Variants in TSC22D1 observed in about 807,000 individuals in gnomAD.
The protein encoded by TSC22D1 is TSC22 domain family protein 1.
Under a neutral mutation model 74.2 loss-of-function variants are expected in TSC22D1, and 9 were observed. That is an observed-to-expected ratio of 0.12 (90% confidence interval 0.07 to 0.21). The LOEUF (loss-of-function observed/expected upper bound fraction) is 0.21. TSC22D1 is among the 10% of genes least tolerant of loss of function. The pLI is 1.00. For missense variants in TSC22D1, 1,427 were observed against 1,304.7 expected, an observed-to-expected ratio of 1.09 and a Z score of -1.44; for synonymous variants, 586 against 492.5, an observed-to-expected ratio of 1.19 and a Z score of -2.51.
chr13:44,450,325 T>G (rs7317779), intron 1 of TSC22D1, among the ~76,000 whole-genome samples: 16,996 of 152,194 alleles, frequency 0.11, 1,009 homozygotes, highest in African/African-American at 0.14. Context: ...AGGAAAAAAG[T>G]TTAAGACAGG....
intron 1 of TSC22D1, among the ~76,000 whole-genome samples, chr13:44,448,265 A>T (rs1441292820): frequency 6.6e-6 from 1 of 152,164 alleles, no homozygotes; most frequent in Non-Finnish European, 1.5e-5. Flanking sequence ...AGCACTTTTT[A>T]AAAATAACTA....
Position 44,576,302 on chromosome 13 carries a change from G to GA in TSC22D1, c.-229dup, listed in dbSNP as rs1331985115. The GA allele has an allele frequency of 8.6e-6, 5 of 580,068 alleles. No individual in the cohort carries two copies. The highest frequency in any genetic ancestry group is 1.9e-5 in the African/African-American group (1 of 53,378). The allele number at this position is 580,068 out of a possible 1,614,324, so 35.9% of individuals were successfully genotyped here. On this transcript the variant is annotated 5_prime_UTR_variant, in exon 1 of 3. Coordinates refer to ENST00000458659, the MANE Select transcript of TSC22D1 (RefSeq NM_183422.4). ...AGGGCGGCCGGGGACCCGAAGGGGG[G>GA]ATCCCTTCAGTCCTTCGCCATTCAC...
chr13:44,479,565 C>T (rs1036838419), intron 1 of TSC22D1, among the ~76,000 whole-genome samples: 1 of 152,130 alleles, frequency 6.6e-6, no homozygotes, highest in African/African-American at 2.4e-5. Flanking sequence ...AATTATCTGG[C>T]TTCCTGGGTT....
At chr13:44,469,710 T>C (rs1293695754) in intron 1 of TSC22D1, among the ~76,000 whole-genome samples, 1 of 152,218 alleles carries the variant, frequency 6.6e-6, no homozygotes, top group Admixed American at 6.5e-5. Flanking sequence ...GAGGAAAATG[T>C]ACCCAATCCT....
In TSC22D1 at chr13:44,436,237, G is replaced by C. The variant is rs370325864; in HGVS notation, c.2913-142C>G. On this transcript the variant is annotated intron_variant, in intron 1 of 2. Transcript: ENST00000458659. ...ACACTATGTAATGTATCACCCTCCA[G>C]AAAATGCCAGCCCCTCTCTTACTAA... 1.5e-5 allele frequency: 16 copies of C among 1,032,848 alleles called. No individual in the cohort carries two copies. The East Asian group carries it at 3.9e-4, about 25-fold the overall frequency. 64.0% of individuals were successfully genotyped at this position (1,032,848 alleles called of 1,614,324 possible).
intron 1 of TSC22D1, among the ~76,000 whole-genome samples, chr13:44,568,254 G>A (rs1883510743): frequency 6.6e-6 from 1 of 152,284 alleles, no homozygotes; most frequent in South Asian, 2.1e-4. Context: ...TAATAGTTGT[G>A]TACCAAGCCA....
chr13:44,554,863 C>T (rs1261336547), intron 1 of TSC22D1, among the ~76,000 whole-genome samples: 1 of 152,030 alleles, frequency 6.6e-6, no homozygotes, highest in Non-Finnish European at 1.5e-5. Context: ...TCTTCAACTC[C>T]CTATTTCTCT....
chr13:44,434,268 C>A lies in TSC22D1; in HGVS notation c.*358G>T, dbSNP rs1328520636. The A allele has an allele frequency of 1.4e-6, 2 of 1,391,166 alleles. No homozygotes were observed. Among genetic ancestry groups the A allele is most frequent in the African/African-American group, 3.0e-5 (2 of 67,208 alleles). 86.2% of individuals were successfully genotyped at this position (1,391,166 alleles called of 1,614,324 possible). Reference sequence around the variant, plus strand: ...TCACAACCCCATGTAGGACACTAAGCGCAAGCAGGAGAGAGAACCCTTGGA... The same window carrying A: ...TCACAACCCCATGTAGGACACTAAGAGCAAGCAGGAGAGAGAACCCTTGGA... On this transcript the variant is annotated 3_prime_UTR_variant, in exon 3 of 3. Transcript: ENST00000458659.
intron 1 of TSC22D1, among the ~76,000 whole-genome samples, chr13:44,559,654 G>A (rs1882905584): frequency 6.6e-6 from 1 of 151,576 alleles, no homozygotes; most frequent in Non-Finnish European, 1.5e-5. Context: ...TAAATGCTGG[G>A]ATTACTGGTG....
intron 1 of TSC22D1, among the ~76,000 whole-genome samples, chr13:44,547,203 C>G (rs1566166631): frequency 6.6e-6 from 1 of 152,074 alleles, no homozygotes; most frequent in African/African-American, 2.4e-5. Flanking sequence ...AAACATAAAT[C>G]TCCGATTTTT....
chr13:44,455,408 G>C (rs1168370355), intron 1 of TSC22D1, among the ~76,000 whole-genome samples: 1 of 152,206 alleles, frequency 6.6e-6, no homozygotes, highest in Non-Finnish European at 1.5e-5. Flanking sequence ...TTGGTTTTCT[G>C]AAAGACTCTT....
intron 1 of TSC22D1, among the ~76,000 whole-genome samples, chr13:44,451,200 G>A (rs1005604808): frequency 4.6e-5 from 7 of 152,212 alleles, no homozygotes; most frequent in African/African-American, 1.7e-4. Context: ...TGAGCCAATG[G>A]ACAGTCCGTT....
At chr13:44,487,077 CAGA>C (rs1344528887) in intron 1 of TSC22D1, among the ~76,000 whole-genome samples, 2 of 151,890 alleles carry the variant, frequency 1.3e-5, no homozygotes, top group Admixed American at 6.6e-5. Context: ...TGCCAAGTAA[CAGA>C]AGATGAAACT....
At chr13:44,484,049 A>C (rs1188320780) in intron 1 of TSC22D1, among the ~76,000 whole-genome samples, 7 of 152,248 alleles carry the variant, frequency 4.6e-5, no homozygotes, top group African/African-American at 1.4e-4. Context: ...CTTATACACG[A>C]ATCTTGGCCC....
At chr13:44,464,540 C>T (rs1049225564) in intron 1 of TSC22D1, among the ~76,000 whole-genome samples, 3 of 151,902 alleles carry the variant, frequency 2.0e-5, no homozygotes, top group African/African-American at 4.8e-5. Flanking sequence ...AAATTAATTC[C>T]TTCTAGAAGG....
chr13:44,543,639 G>C (rs1230732984), intron 1 of TSC22D1, among the ~76,000 whole-genome samples: 2 of 152,182 alleles, frequency 1.3e-5, no homozygotes, highest in African/African-American at 4.8e-5. Flanking sequence ...CTAGACCCTA[G>C]AAAAGTGCTT....
At chr13:44,514,882 AAG>A (rs1216080716) in intron 1 of TSC22D1, among the ~76,000 whole-genome samples, 1 of 152,054 alleles carries the variant, frequency 6.6e-6, no homozygotes, top group Non-Finnish European at 1.5e-5. Flanking sequence ...AAATAAATAA[AAG>A]AAGTTTAAAG....
intron 1 of TSC22D1, among the ~76,000 whole-genome samples, chr13:44,554,630 CAAAAAAA>C (rs59922380): frequency 2.8e-3 from 189 of 68,640 alleles, no homozygotes; most frequent in East Asian, 7.5e-3. Flanking sequence ...ATACCAGGAA[CAAAAAAA>C]AAAAAAAAAA....
intron 1 of TSC22D1, among the ~76,000 whole-genome samples, chr13:44,542,423 CTTTA>C (rs1219660917): frequency 3.3e-5 from 5 of 152,106 alleles, no homozygotes; most frequent in East Asian, 1.9e-4. Flanking sequence ...GCATCCAAAT[CTTTA>C]TTTATCACAC....
Sources: allele counts gnomAD v4.1 joint callset (sites outside exome capture counted in the v4.1 genomes callset), GRCh38; gene constraint gnomAD v4.1.1; transcripts MANE v1.5; gene names NCBI Gene and HGNC (gene_info 2026-07-23, HGNC 2026-07-21).